The following DOCK1 variants were observed in gnomAD, a reference collection of about 807,000 sequenced individuals.
The protein encoded by DOCK1 is dedicator of cytokinesis protein 1.
A neutral mutation model predicts 262.7 loss-of-function variants in DOCK1; 138 were observed. That is an observed-to-expected ratio of 0.53 (90% CI 0.46 to 0.61). DOCK1 has a LOEUF of 0.61. DOCK1 is among the 20% of genes least tolerant of loss of function. The pLI, the probability that DOCK1 is intolerant of heterozygous loss-of-function variation, is 0.00. For missense variants in DOCK1, 1,908 were observed against 2,370.7 expected (o/e 0.80, Z 4.05); for synonymous variants, 866 against 867.4 (o/e 1.00, Z 0.03).
intron 6 of DOCK1, among the ~76,000 whole-genome samples, chr10:126,991,173 A>T (rs1210824629): frequency 6.6e-6 from 1 of 152,152 alleles, no homozygotes; most frequent in Middle Eastern, 3.2e-3. Context: ...CATAGCAGGC[A>T]TCCCCCCAGC....
At chr10:127,214,413 C>T (rs978351713) in intron 27 of DOCK1, among the ~76,000 whole-genome samples, 7 of 152,142 alleles carry the variant, frequency 4.6e-5, no homozygotes, top group African/African-American at 9.7e-5. Context: ...TTCCTTTTGC[C>T]GTTTATAGAA....
At chr10:127,247,111 A>C (rs2059455079) in intron 27 of DOCK1, among the ~76,000 whole-genome samples, 1 of 152,042 alleles carries the variant, frequency 6.6e-6, no homozygotes, top group South Asian at 2.1e-4. Context: ...CAAAGCAAAC[A>C]CCCTTCAGGG....
chr10:127,392,593 A>G (rs564784279), intron 38 of DOCK1, among the ~76,000 whole-genome samples: 15 of 152,276 alleles, frequency 9.9e-5, no homozygotes, highest in African/African-American at 3.6e-4. Context: ...TCTGGCCAGC[A>G]CTTGAGCAAA....
chr10:127,060,659 A>C (rs1166841634), intron 22 of DOCK1, among the ~76,000 whole-genome samples: 1 of 152,242 alleles, frequency 6.6e-6, no homozygotes, highest in African/African-American at 2.4e-5. Flanking sequence ...ACTGCTAATA[A>C]ATAATTTACA....
intron 51 of DOCK1, among the ~76,000 whole-genome samples, chr10:127,449,756 A>G (rs1360483531): frequency 3.3e-5 from 5 of 152,258 alleles, no homozygotes; most frequent in East Asian, 1.9e-4. Flanking sequence ...GGTGTGATCA[A>G]TATCCTCCTG....
At chr10:127,036,073 C>T (rs1265078174) in intron 18 of DOCK1, among the ~76,000 whole-genome samples, 1 of 151,880 alleles carries the variant, frequency 6.6e-6, no homozygotes, top group Non-Finnish European at 1.5e-5. Context: ...AATTCGTCAT[C>T]CTCTCCTGGG....
At chr10:127,030,365 C>T (rs538916947) in intron 16 of DOCK1, among the ~76,000 whole-genome samples, 199 of 152,298 alleles carry the variant, frequency 1.3e-3, no homozygotes, top group Middle Eastern at 0.01. Context: ...AGTCCTTCCC[C>T]GCCTTTGGCC....
At chr10:127,137,084 C>T (rs2050764530) in intron 27 of DOCK1, 1 of 152,598 alleles carries the variant, frequency 6.6e-6, no homozygotes, top group Admixed American at 6.5e-5. Flanking sequence ...TGTCCAATAG[C>T]TCTGACCCTG....
intron 27 of DOCK1, among the ~76,000 whole-genome samples, chr10:127,189,507 T>C (rs558078017): frequency 3.3e-5 from 5 of 152,324 alleles, no homozygotes; most frequent in African/African-American, 1.2e-4. Flanking sequence ...AAAGTAGATA[T>C]ATATTCAGAA....
At chr10:126,918,940 A>G (rs928160967) in intron 1 of DOCK1, among the ~76,000 whole-genome samples, 1 of 149,412 alleles carries the variant, frequency 6.7e-6, no homozygotes, top group African/African-American at 2.5e-5. Flanking sequence ...GAGAAAGTCA[A>G]GGTGCAGATG....
intron 1 of DOCK1, among the ~76,000 whole-genome samples, chr10:126,909,870 G>C (rs576954535): frequency 2.0e-5 from 3 of 152,174 alleles, no homozygotes; most frequent in Admixed American, 6.5e-5. Flanking sequence ...TTCTGTGTGC[G>C]GTTAACGGGT....
At chr10:127,318,700 T>A (rs189093115) in intron 29 of DOCK1, among the ~76,000 whole-genome samples, 2 of 152,338 alleles carry the variant, frequency 1.3e-5, no homozygotes, top group Admixed American at 1.3e-4. Flanking sequence ...CCAGGACTAT[T>A]TTAAATGCTG....
chr10:127,187,873 A>G (rs985792960), intron 27 of DOCK1, among the ~76,000 whole-genome samples: 12 of 152,196 alleles, frequency 7.9e-5, no homozygotes, highest in Non-Finnish European at 1.3e-4. Context: ...ACTGGGTTCC[A>G]CTGTTTGTTT....
chr10:127,159,293 G>A (rs985625223), intron 27 of DOCK1, among the ~76,000 whole-genome samples: 5 of 152,166 alleles, frequency 3.3e-5, no homozygotes, highest in South Asian at 2.1e-4. Flanking sequence ...AGAACACAGC[G>A]TGGAGCTCTA....
At chr10:127,407,467 TGGTGATTA>T (rs2067583130) in intron 40 of DOCK1, among the ~76,000 whole-genome samples, 1 of 152,128 alleles carries the variant, frequency 6.6e-6, no homozygotes, top group African/African-American at 2.4e-5. Flanking sequence ...ACTATCACCT[TGGTGATTA>T]GGTTTCAACA....
intron 30 of DOCK1, among the ~76,000 whole-genome samples, chr10:127,341,142 G>A (rs2063406740): frequency 1.3e-5 from 2 of 152,158 alleles, no homozygotes; most frequent in South Asian, 4.1e-4. Flanking sequence ...GATTTCTGTA[G>A]TTAGTATAGG....
At chr10:127,402,579 T>C (rs2067283217) in intron 38 of DOCK1, 1 of 494,816 alleles carries the variant, frequency 2.0e-6, no homozygotes, top group Non-Finnish European at 4.1e-6. Context: ...TCTGCCCTGT[T>C]ATTTCTGATC....
chr10:127,163,780 G>A (rs2053803946), intron 27 of DOCK1, among the ~76,000 whole-genome samples: 2 of 150,312 alleles, frequency 1.3e-5, no homozygotes, highest in Admixed American at 1.3e-4. Flanking sequence ...GCCCACTTCC[G>A]TGTCTGGATA....
intron 27 of DOCK1, among the ~76,000 whole-genome samples, chr10:127,242,284 T>G (rs1013166593): frequency 2.0e-5 from 3 of 152,240 alleles, no homozygotes; most frequent in Non-Finnish European, 2.9e-5. Context: ...TTCAGCTCTG[T>G]GCAGACTTTG....
Sources: allele counts gnomAD v4.1 joint callset (sites outside exome capture counted in the v4.1 genomes callset), GRCh38; gene constraint gnomAD v4.1.1; transcripts MANE v1.5; gene names NCBI Gene and HGNC (gene_info 2026-07-23, HGNC 2026-07-21).